Variants in LINGO1 observed in about 807,000 individuals in gnomAD.
LINGO1 encodes leucine rich repeat and Ig domain containing 1.
In LINGO1, 11 loss-of-function variants were observed where a neutral mutation model predicts 37.3. That is an observed-to-expected ratio of 0.29 (90% CI 0.19 to 0.49). The LOEUF (loss-of-function observed/expected upper bound fraction) is 0.49. Ranked by LOEUF, LINGO1 falls within the 20% of genes least tolerant of loss-of-function variation. The probability of loss-of-function intolerance (pLI) is 0.99; values close to 1 mark genes in which losing one functional copy is unlikely to be tolerated. For synonymous variants in LINGO1, 387 were observed against 403.0 expected, an observed-to-expected ratio of 0.96 and a Z score of 0.48; for missense variants, 585 against 878.2, an observed-to-expected ratio of 0.67 and a Z score of 4.22.
intron 3 of LINGO1, among the ~76,000 whole-genome samples, chr15:77,642,907 G>C (rs2141114037): frequency 6.6e-6 from 1 of 152,336 alleles, no homozygotes; most frequent in East Asian, 1.9e-4. Context: ...AGGCCTCTTT[G>C]CAGATGCACA....
intron 1 of LINGO1, among the ~76,000 whole-genome samples, chr15:77,776,540 G>GGAAAGCAGGAAGGCAGGAAGGCAGGAAA (rs1193157676): frequency 6.7e-6 from 1 of 148,312 alleles, no homozygotes; most frequent in Non-Finnish European, 1.5e-5. Context: ...GAGGGAGGGA[G>GGAAAGCAGGAAGGCAGGAAGGCAGGAAA]GGAGGGAGGG....
intron 2 of LINGO1, among the ~76,000 whole-genome samples, chr15:77,721,497 G>A (rs554709940): frequency 6.6e-6 from 1 of 152,186 alleles, no homozygotes; most frequent in South Asian, 2.1e-4. Context: ...GCCCCTTGGT[G>A]GTAGATACAC....
chr15:77,748,116 G>T (rs2076333052), intron 1 of LINGO1, among the ~76,000 whole-genome samples: 1 of 152,232 alleles, frequency 6.6e-6, no homozygotes, highest in Admixed American at 6.5e-5. Context: ...CTCTCCAGTG[G>T]GTTAAGACTC....
intron 3 of LINGO1, among the ~76,000 whole-genome samples, chr15:77,667,421 C>T (rs1425593361): frequency 2.0e-5 from 3 of 151,974 alleles, no homozygotes; most frequent in Non-Finnish European, 2.9e-5. Flanking sequence ...TAGGGAGGGG[C>T]GAGGGGCCAT....
rs562064505 is a variant in LINGO1 at position 77,768,544 on chromosome 15, G to A, written c.-257+18325C>T. Among the ~76,000 whole-genome samples the A allele has an allele frequency of 6.6e-5, 10 of 152,290 alleles. No individual in the cohort carries two copies. The South Asian group carries it at 2.1e-3, about 32-fold the overall frequency. On this transcript the variant is annotated intron_variant, in intron 1 of 3. Transcript: ENST00000561686. ...GAAGAGAACCAGGTCTGTGACAGGG[G>A]AGCCCTGGTTTACTCACAGGGACAC...
chr15:77,645,241 G>A (rs2074598528), intron 3 of LINGO1, among the ~76,000 whole-genome samples: 1 of 152,214 alleles, frequency 6.6e-6, no homozygotes, highest in Non-Finnish European at 1.5e-5. Flanking sequence ...TGAGGGCACT[G>A]GGAGGAAGGA....
intron 1 of LINGO1, among the ~76,000 whole-genome samples, chr15:77,775,008 A>G (rs1451895635): frequency 6.6e-6 from 1 of 152,186 alleles, no homozygotes; most frequent in Non-Finnish European, 1.5e-5. Flanking sequence ...CCCACGTCTC[A>G]CGTCGCCTGG....
chr15:77,640,764 A>C (rs1344543178), intron 3 of LINGO1, among the ~76,000 whole-genome samples: 2 of 152,158 alleles, frequency 1.3e-5, no homozygotes, highest in African/African-American at 4.8e-5. Flanking sequence ...AGGAGGGTGA[A>C]GGCGAATGCT....
intron 2 of LINGO1, among the ~76,000 whole-genome samples, chr15:77,731,702 C>T (rs1049882277): frequency 6.6e-6 from 1 of 152,160 alleles, no homozygotes; most frequent in African/African-American, 2.4e-5. Context: ...CCTCTCTGTG[C>T]CCCATGAAAG....
chr15:77,794,339 CATACATATATACGT>C (rs1567588025), intron 2 of LINGO1, among the ~76,000 whole-genome samples: 32 of 101,506 alleles, frequency 3.2e-4, no homozygotes, highest in African/African-American at 5.9e-4. Context: ...TATGTATATA[CATACATATATACGT>C]ATATATGTGT....
chr15:77,664,170 T>TGCGCGCGCGCGCGC (rs143405934), intron 3 of LINGO1, among the ~76,000 whole-genome samples: 35 of 130,924 alleles, frequency 2.7e-4, no homozygotes, highest in African/African-American at 1.1e-3. Flanking sequence ...TGTGTGTGTG[T>TGCGCGCGCGCGCGC]GCGCGCGCGC....
chr15:77,699,966 CT>C (rs1339634488), upstream of LINGO1, among the ~76,000 whole-genome samples: 1 of 152,196 alleles, frequency 6.6e-6, no homozygotes, highest in Non-Finnish European at 1.5e-5. Flanking sequence ...GGAAGGAGGA[CT>C]TGACAGATGC....
chr15:77,762,488 C>G (rs2076487466), intron 1 of LINGO1, among the ~76,000 whole-genome samples: 1 of 152,116 alleles, frequency 6.6e-6, no homozygotes, highest in Non-Finnish European at 1.5e-5. Flanking sequence ...GAGTGAGGCC[C>G]TAAGAGGAGC....
intron 1 of LINGO1, among the ~76,000 whole-genome samples, chr15:77,738,222 A>G (rs1215980220): frequency 1.3e-5 from 2 of 151,338 alleles, no homozygotes; most frequent in African/African-American, 4.9e-5. Flanking sequence ...CTCCTCCCTC[A>G]CTCAGCTTCT....
At chr15:77,776,488 A>AGGAAGGCAGGAAAGCAGGAAGGCAGGAAG (rs1567577582) in intron 1 of LINGO1, among the ~76,000 whole-genome samples, 2 of 90,684 alleles carry the variant, frequency 2.2e-5, no homozygotes, top group African/African-American at 9.9e-5. Context: ...AAGGCAGGAA[A>AGGAAGGCAGGAAAGCAGGAAGGCAGGAAG]GCAGGAAGGC....
chr15:77,758,688 C>T (rs559367112), intron 1 of LINGO1, among the ~76,000 whole-genome samples: 9 of 152,300 alleles, frequency 5.9e-5, no homozygotes, highest in Middle Eastern at 3.4e-3. Flanking sequence ...AAGCTGCTTA[C>T]CCTCTCTGTG....
At chr15:77,700,727 A>AG (rs1303682497), upstream of LINGO1, among the ~76,000 whole-genome samples, 1 of 152,182 alleles carries the variant, frequency 6.6e-6, no homozygotes. Context: ...CTGGGTGAGC[A>AG]GGGGCGGGTA....
intron 3 of LINGO1, among the ~76,000 whole-genome samples, chr15:77,672,185 C>T (rs1375607197): frequency 1.3e-5 from 2 of 151,568 alleles, no homozygotes; most frequent in Non-Finnish European, 2.9e-5. Context: ...CTCTCCCCAC[C>T]TCCCCTCCAC....
intron 3 of LINGO1, among the ~76,000 whole-genome samples, chr15:77,645,172 T>C (rs1467050338): frequency 1.3e-5 from 2 of 152,062 alleles, no homozygotes; most frequent in African/African-American, 2.4e-5. Flanking sequence ...CTCCCAAACA[T>C]ACACACTCAG....
Sources: allele counts gnomAD v4.1 joint callset (sites outside exome capture counted in the v4.1 genomes callset), GRCh38; gene constraint gnomAD v4.1.1; transcripts MANE v1.5; gene names NCBI Gene and HGNC (gene_info 2026-07-23, HGNC 2026-07-21).